Variants in MICU3 observed in about 807,000 individuals in gnomAD.
MICU3 encodes the protein calcium uptake protein 3, mitochondrial.
Under a neutral mutation model 66.5 loss-of-function variants are expected in MICU3, and 62 were observed. The observed-to-expected ratio is 0.93, with a 90% CI of 0.76 to 1.15. The LOEUF (loss-of-function observed/expected upper bound fraction) is 1.15, where lower values mean the gene tolerates loss of function less well. MICU3 is among the 50% of genes most tolerant of loss of function. The pLI is 0.00. For missense variants in MICU3, 779 were observed against 664.4 expected, an observed-to-expected ratio of 1.17 and a Z score of -1.90; for synonymous variants, 308 against 240.7, an observed-to-expected ratio of 1.28 and a Z score of -2.59.
intron 1 of MICU3, among the ~76,000 whole-genome samples, chr8:17,059,398 A>G (rs1817489011): frequency 2.0e-5 from 3 of 152,198 alleles, no homozygotes; most frequent in Admixed American, 2.0e-4. Flanking sequence ...AACAGCAGCC[A>G]TTGCTTTTAT....
chr8:17,100,774 T>G (rs1338516025), intron 9 of MICU3, among the ~76,000 whole-genome samples: 1 of 151,686 alleles, frequency 6.6e-6, no homozygotes. Flanking sequence ...AATGAAAATT[T>G]GAATATCAGA....
chr8:17,105,335 A>G (rs1054753940), intron 10 of MICU3, 78 bp from the exon 11 acceptor site: 1 of 780,136 alleles, frequency 1.3e-6, no homozygotes, highest in Non-Finnish European at 2.1e-6. Context: ...CTTTTCTAGG[A>G]CAGTGAGTAT....
chr8:17,093,698 G>C (rs1563367559), intron 8 of MICU3, among the ~76,000 whole-genome samples: 1 of 151,680 alleles, frequency 6.6e-6, no homozygotes. Flanking sequence ...TTAGTGAATT[G>C]AATCCTCTAT....
chr8:17,027,567 C>CGG lies in MICU3; in HGVS notation c.290_291dup (p.Arg98GlyfsTer42). The CGG allele has an allele frequency of 7.8e-7, 1 of 1,279,514 alleles. No homozygotes were observed. The highest frequency in any genetic ancestry group is 9.8e-7 in the Non-Finnish European group (1 of 1,015,500). The allele number at this position is 1,279,514 out of a possible 1,614,324, so 79.3% of individuals were successfully genotyped here. On this transcript the variant is annotated frameshift_variant, in exon 1 of 15. Transcript: ENST00000318063. LOFTEE classifies it high-confidence loss of function. ...ACCCCAGGGCCGGCTCGCCGGCGAC[C>CGG]GGGCGACCCTCAAAGAGCGCGGCCA...
intron 1 of MICU3, among the ~76,000 whole-genome samples, chr8:17,041,015 G>C (rs750139765): frequency 6.6e-6 from 1 of 152,168 alleles, no homozygotes; most frequent in African/African-American, 2.4e-5. Flanking sequence ...ATAGATCAAG[G>C]TGTCTTTTGG....
intron 1 of MICU3, among the ~76,000 whole-genome samples, chr8:17,061,293 AG>A (rs1193294515): frequency 6.6e-6 from 1 of 152,162 alleles, no homozygotes; most frequent in Non-Finnish European, 1.5e-5. Context: ...TGCAGTGGTC[AG>A]GTGGGTTTGG....
intron 1 of MICU3, among the ~76,000 whole-genome samples, chr8:17,033,714 G>A (rs1176267176): frequency 6.6e-6 from 1 of 152,118 alleles, no homozygotes; most frequent in African/African-American, 2.4e-5. Flanking sequence ...TGGGATTACA[G>A]TGTGAGCCAC....
At chr8:17,100,160 G>A (rs922763481) in intron 9 of MICU3, among the ~76,000 whole-genome samples, 4 of 151,096 alleles carry the variant, frequency 2.6e-5, no homozygotes, top group South Asian at 2.1e-4. Flanking sequence ...GAAAGTGGCC[G>A]TGATAGGAGT....
intron 1 of MICU3, among the ~76,000 whole-genome samples, chr8:17,050,509 G>A (rs3850754): frequency 0.37 from 55,396 of 151,724 alleles, 10,648 homozygotes; most frequent in East Asian, 0.64. Flanking sequence ...TTTATTAAAA[G>A]CAAAATTAAC....
chr8:17,036,480 G>A (rs929770681), intron 1 of MICU3, among the ~76,000 whole-genome samples: 4 of 152,094 alleles, frequency 2.6e-5, no homozygotes, highest in Non-Finnish European at 5.9e-5. Context: ...TGGTAGAGCC[G>A]AGTGGCCTGT....
At chr8:17,109,263 T>C (rs1433552954) in intron 11 of MICU3, among the ~76,000 whole-genome samples, 1 of 152,118 alleles carries the variant, frequency 6.6e-6, no homozygotes, top group Non-Finnish European at 1.5e-5. Context: ...TATGTTGAAC[T>C]CTTGTTAATT....
chr8:17,066,704 C>A (rs969334803), intron 2 of MICU3, among the ~76,000 whole-genome samples: 2 of 151,224 alleles, frequency 1.3e-5, no homozygotes, highest in African/African-American at 4.9e-5. Context: ...CACCATGCCA[C>A]CAGCTAATTT....
In MICU3 at chr8:17,115,134, A is replaced by C. The variant is rs1001149518; in HGVS notation, c.1366+933A>C. 6.3e-3 allele frequency among the ~76,000 whole-genome samples: 833 copies of C among 132,746 alleles called. 18 individuals are homozygous for C. Among genetic ancestry groups the C allele is most frequent in the African/African-American group, 0.022 (773 of 34,564 alleles). The allele number at this position is 132,746 out of a possible 152,430, so 87.1% of individuals were successfully genotyped here. A position where few individuals can be genotyped will look rare whatever the true frequency, so the allele number is the denominator to read the frequency against. The stretch of plus-strand genomic sequence containing the variant: ...ACTCCGTCTCAAAAAAAAAAAAAAA[A>C]CCCCAGAGGACAGGCTATTATTATG... On this transcript the variant is annotated intron_variant, in intron 12 of 14. Coordinates refer to ENST00000318063, the MANE Select transcript of MICU3 (RefSeq NM_181723.3).
At chr8:17,100,898 T>C (rs1364781092) in intron 9 of MICU3, among the ~76,000 whole-genome samples, 1 of 151,806 alleles carries the variant, frequency 6.6e-6, no homozygotes, top group Non-Finnish European at 1.5e-5. Context: ...TAAACACTGT[T>C]TTGAGTTCTA....
intron 6 of MICU3, among the ~76,000 whole-genome samples, 157 bp downstream of exon 6, chr8:17,085,475 C>A (rs2150739547): frequency 6.6e-6 from 1 of 152,144 alleles, no homozygotes; most frequent in African/African-American, 2.4e-5. Flanking sequence ...GTACTTTGAA[C>A]AATATTTACA....
In MICU3 at chr8:17,051,248, T is replaced by G. The variant is rs961418828; in HGVS notation, c.382-12836T>G. On this transcript the variant is annotated intron_variant, in intron 1 of 14. Coordinates refer to ENST00000318063, the MANE Select transcript of MICU3 (RefSeq NM_181723.3). Reference sequence around the variant, plus strand: ...TTTTAATTTTTTTATATTTTAATTTTTAAAGCAATCACCATTTAACAATTA... The same window carrying G: ...TTTTAATTTTTTTATATTTTAATTTGTAAAGCAATCACCATTTAACAATTA... Among the ~76,000 whole-genome samples the G allele has an allele frequency of 9.8e-5, 15 of 152,324 alleles. No individual in the cohort carries two copies. The East Asian group carries it at 2.9e-3, about 29-fold the overall frequency.
At chr8:17,084,384 T>G (rs1821640875) in intron 5 of MICU3, among the ~76,000 whole-genome samples, 1 of 152,102 alleles carries the variant, frequency 6.6e-6, no homozygotes, top group South Asian at 2.1e-4. Flanking sequence ...CTGTTACTAG[T>G]TAAGAAAGTA....
At chr8:17,039,702 A>C (rs559342201) in intron 1 of MICU3, among the ~76,000 whole-genome samples, 1 of 152,044 alleles carries the variant, frequency 6.6e-6, no homozygotes, top group Non-Finnish European at 1.5e-5. Flanking sequence ...TATGTAATTT[A>C]TCTCTAGTAA....
intron 11 of MICU3, among the ~76,000 whole-genome samples, chr8:17,109,981 A>G (rs1802054278): frequency 6.6e-6 from 1 of 152,182 alleles, no homozygotes; most frequent in South Asian, 2.1e-4. Context: ...TATTTCTCCT[A>G]ACCTTTTAAA....
Sources: allele counts gnomAD v4.1 joint callset (sites outside exome capture counted in the v4.1 genomes callset), GRCh38; gene constraint gnomAD v4.1.1; transcripts MANE v1.5; gene names NCBI Gene and HGNC (gene_info 2026-07-23, HGNC 2026-07-21).